Variants in UST observed in about 807,000 individuals in gnomAD.
UST encodes uronyl 2-sulfotransferase.
A neutral mutation model predicts 45.6 loss-of-function variants in UST; 21 were observed. The ratio of observed to expected loss-of-function variants is 0.46; its 90% CI spans 0.33 to 0.66. UST has a LOEUF of 0.66. Ranked by LOEUF, UST falls within the 30% of genes least tolerant of loss-of-function variation. UST has a pLI of 0.02. For synonymous variants in UST, 215 were observed against 200.6 expected (o/e 1.07, Z -0.61); for missense variants, 463 against 512.4 (o/e 0.90, Z 0.93).
intron 5 of UST, among the ~76,000 whole-genome samples, chr6:149,006,318 T>C (rs1381686479): frequency 2.0e-5 from 3 of 152,152 alleles, no homozygotes; most frequent in African/African-American, 4.8e-5. Context: ...CTCCCACTTA[T>C]AAGTGAGAAC....
chr6:148,979,663 C>T (rs1440458244), intron 5 of UST, among the ~76,000 whole-genome samples: 2 of 152,292 alleles, frequency 1.3e-5, no homozygotes, highest in East Asian at 1.9e-4. Context: ...CTTGATTGCA[C>T]GATGTTTCCC....
intron 2 of UST, among the ~76,000 whole-genome samples, chr6:148,918,918 T>C (rs77357406): frequency 0.018 from 2,666 of 152,304 alleles, 75 homozygotes; most frequent in African/African-American, 0.061. Flanking sequence ...GACTAGGAGA[T>C]GTATAAATAT....
intron 1 of UST, among the ~76,000 whole-genome samples, chr6:148,753,995 A>ATTT (rs1276566371): frequency 1.5e-5 from 2 of 137,842 alleles, no homozygotes; most frequent in African/African-American, 5.4e-5. Context: ...CATTTTGCTG[A>ATTT]TTTTTTTTTT....
At chr6:148,996,312 A>G (rs907860558) in intron 5 of UST, among the ~76,000 whole-genome samples, 7 of 152,120 alleles carry the variant, frequency 4.6e-5, no homozygotes, top group African/African-American at 1.7e-4. Flanking sequence ...TCTGCCTCCC[A>G]GGTTCAAGTG....
intron 1 of UST, among the ~76,000 whole-genome samples, chr6:148,776,181 G>A (rs927106331): frequency 6.6e-6 from 1 of 152,136 alleles, no homozygotes; most frequent in East Asian, 1.9e-4. Flanking sequence ...TTAAATACCA[G>A]CCTGGTGTTG....
chr6:148,839,812 A>C (rs1777856570), intron 1 of UST, among the ~76,000 whole-genome samples: 2 of 152,220 alleles, frequency 1.3e-5, no homozygotes, highest in Non-Finnish European at 2.9e-5. Flanking sequence ...GCTTTCAGCC[A>C]ATTTCCCTGG....
intron 1 of UST, among the ~76,000 whole-genome samples, chr6:148,775,647 G>T (rs1488310010): frequency 5.8e-4 from 87 of 151,016 alleles, no homozygotes; most frequent in African/African-American, 2.0e-3. Flanking sequence ...TTTGGGGCGG[G>T]GAGAGAGTCT....
intron 1 of UST, among the ~76,000 whole-genome samples, chr6:148,804,380 T>A (rs750493769): frequency 1.8e-4 from 28 of 152,066 alleles, no homozygotes; most frequent in Non-Finnish European, 4.0e-4. Flanking sequence ...CTGTCTGCAC[T>A]GTGTGTGTGT....
At chr6:148,781,609 A>G (rs1169912272) in intron 1 of UST, among the ~76,000 whole-genome samples, 1 of 64,200 alleles carries the variant, frequency 1.6e-5, no homozygotes, top group Non-Finnish European at 3.6e-5. Context: ...ACTAAACAAC[A>G]GATTTTCAAT....
At chr6:148,767,589 A>AG in intron 1 of UST, among the ~76,000 whole-genome samples, 1 of 142,716 alleles carries the variant, frequency 7.0e-6, no homozygotes, top group South Asian at 2.2e-4. Context: ...TTCTAGGTAA[A>AG]GTTTTTTTTT....
At chr6:149,010,158 A>C (rs1775782228) in intron 5 of UST, among the ~76,000 whole-genome samples, 1 of 152,228 alleles carries the variant, frequency 6.6e-6, no homozygotes, top group African/African-American at 2.4e-5. Context: ...CATGTACTAC[A>C]AGTTCCCTAA....
At chr6:148,858,916 G>A (rs1411062678) in intron 1 of UST, among the ~76,000 whole-genome samples, 1 of 152,146 alleles carries the variant, frequency 6.6e-6, no homozygotes, top group Non-Finnish European at 1.5e-5. Flanking sequence ...CATTTGGGTT[G>A]GTTCCAAGTC....
At chr6:148,939,364 G>C (rs1011252146) in intron 2 of UST, among the ~76,000 whole-genome samples, 4 of 152,122 alleles carry the variant, frequency 2.6e-5, no homozygotes, top group Non-Finnish European at 5.9e-5. Context: ...AGTTCACATG[G>C]AAATGCAAAG....
chr6:149,070,515 A>G (rs2115046631), intron 7 of UST, among the ~76,000 whole-genome samples: 1 of 152,354 alleles, frequency 6.6e-6, no homozygotes, highest in Admixed American at 6.5e-5. Context: ...TCCCCTGTGC[A>G]AAGGACCCAA....
chr6:149,057,601 T>C (rs1776583239), intron 7 of UST, among the ~76,000 whole-genome samples: 1 of 152,332 alleles, frequency 6.6e-6, no homozygotes, highest in Middle Eastern at 3.4e-3. Context: ...TCTGATATTA[T>C]TGAGTCATAG....
intron 2 of UST, among the ~76,000 whole-genome samples, chr6:148,911,712 GA>G (rs71659541): frequency 0.11 from 16,867 of 147,256 alleles, 1,387 homozygotes; most frequent in East Asian, 0.42. Context: ...GTAATTATCA[GA>G]AAAAAAAAAA....
chr6:148,865,531 AAGAGAG>A (rs141807867), intron 1 of UST, among the ~76,000 whole-genome samples: 1 of 146,792 alleles, frequency 6.8e-6, no homozygotes, highest in Non-Finnish European at 1.5e-5. Context: ...ATGTTTTAAA[AAGAGAG>A]AGAGAGAGAG....
At chr6:148,859,933 C>A (rs1401025331) in intron 1 of UST, among the ~76,000 whole-genome samples, 7 of 152,184 alleles carry the variant, frequency 4.6e-5, no homozygotes, top group African/African-American at 1.7e-4. Flanking sequence ...AGAATGATGC[C>A]TCCAGCTTTG....
At chr6:149,013,772 C>G (rs1775855143) in intron 5 of UST, among the ~76,000 whole-genome samples, 1 of 152,176 alleles carries the variant, frequency 6.6e-6, no homozygotes, top group Admixed American at 6.5e-5. Flanking sequence ...AGCCAGAAAT[C>G]CTGTCTTTGA....
Sources: allele counts gnomAD v4.1 joint callset (sites outside exome capture counted in the v4.1 genomes callset), GRCh38; gene constraint gnomAD v4.1.1; transcripts MANE v1.5; gene names NCBI Gene and HGNC (gene_info 2026-07-23, HGNC 2026-07-21).